DTNB: variants seen among roughly 807,000 people sequenced by gnomAD.
DTNB encodes DTN-B.
A neutral mutation model predicts 90.7 loss-of-function variants in DTNB; 63 were observed. The observed-to-expected ratio is 0.69, with a 90% CI of 0.57 to 0.86. The LOEUF is 0.86. Ranked by LOEUF, DTNB falls within the 40% of genes least tolerant of loss-of-function variation. DTNB has a pLI of 0.00. For synonymous variants in DTNB, 277 were observed against 286.7 expected, an observed-to-expected ratio of 0.97 and a Z score of 0.34; for missense variants, 744 against 807.1, an observed-to-expected ratio of 0.92 and a Z score of 0.95.
intron 14 of DTNB, among the ~76,000 whole-genome samples, chr2:25,432,206 TACACAC>T (rs60610400): frequency 0.11 from 16,140 of 146,352 alleles, 1,465 homozygotes; most frequent in East Asian, 0.52. Flanking sequence ...GAAGAGTGCG[TACACAC>T]ACACACACAC....
At chr2:25,377,680 C>A (rs1376481721) in intron 20 of DTNB, 127 bp from the exon 21 acceptor site, 1 of 152,476 alleles carries the variant, frequency 6.6e-6, no homozygotes, top group Non-Finnish European at 1.5e-5. Context: ...GCCTTTCAAG[C>A]GTTGGGCTGA....
At chr2:25,498,677 CT>C (rs1252180387) in intron 9 of DTNB, among the ~76,000 whole-genome samples, 3 of 151,424 alleles carry the variant, frequency 2.0e-5, no homozygotes, top group African/African-American at 7.3e-5. Context: ...GAAACCTCAT[CT>C]CTACAAAAGA....
At chr2:25,457,631 C>T (rs371037704) in intron 10 of DTNB, among the ~76,000 whole-genome samples, 148 of 152,264 alleles carry the variant, frequency 9.7e-4, no homozygotes, top group African/African-American at 3.4e-3. Context: ...AGCATTTACC[C>T]TGAGATAACT....
chr2:25,543,292 G>GT (rs1230730527), intron 8 of DTNB, among the ~76,000 whole-genome samples: 4 of 146,226 alleles, frequency 2.7e-5, no homozygotes, highest in Non-Finnish European at 4.5e-5. Context: ...ATAGAGACAG[G>GT]TTTTTTTTGT....
intron 5 of DTNB, 78 bp downstream of exon 5, chr2:25,607,158 C>A (rs2067284344): frequency 1.4e-6 from 2 of 1,458,542 alleles, no homozygotes; most frequent in South Asian, 1.3e-5. Flanking sequence ...AATATAACAT[C>A]ATTCAAAATT....
At chr2:25,451,688 G>A (rs2059312419) in intron 11 of DTNB, 53 bp from the exon 12 acceptor site, 3 of 1,437,586 alleles carry the variant, frequency 2.1e-6, no homozygotes, top group Admixed American at 2.4e-5. Flanking sequence ...CCTTATTCTT[G>A]TTCCATTCTC....
chr2:25,667,222 C>T (rs1489410834), intron 1 of DTNB, among the ~76,000 whole-genome samples: 4 of 152,018 alleles, frequency 2.6e-5, no homozygotes, highest in Non-Finnish European at 4.4e-5. Flanking sequence ...GGTGTGGTGG[C>T]TCACGTCTTT....
At chr2:25,526,984 T>C (rs1459812901) in intron 9 of DTNB, among the ~76,000 whole-genome samples, 1 of 151,994 alleles carries the variant, frequency 6.6e-6, no homozygotes, top group African/African-American at 2.4e-5. Flanking sequence ...TATAAATTAA[T>C]AACAAAAAGG....
At chr2:25,469,702 A>G (rs186867980) in intron 10 of DTNB, among the ~76,000 whole-genome samples, 1 of 152,232 alleles carries the variant, frequency 6.6e-6, no homozygotes, top group African/African-American at 2.4e-5. Context: ...CTGGCCTCCC[A>G]AAGTGCTGGC....
intron 7 of DTNB, among the ~76,000 whole-genome samples, chr2:25,578,932 C>T (rs1276911887): frequency 6.6e-6 from 1 of 151,806 alleles, no homozygotes; most frequent in Non-Finnish European, 1.5e-5. Context: ...TTAAGACATA[C>T]AGAAAAATAT....
intron 5 of DTNB, among the ~76,000 whole-genome samples, chr2:25,598,439 T>C (rs1050735405): frequency 3.3e-5 from 5 of 152,204 alleles, no homozygotes; most frequent in Non-Finnish European, 7.4e-5. Context: ...GATACTGTTA[T>C]TCCGGGTTTT....
chr2:25,550,129 C>T (rs887301139), intron 8 of DTNB, among the ~76,000 whole-genome samples: 5 of 152,104 alleles, frequency 3.3e-5, no homozygotes, highest in South Asian at 2.1e-4. Context: ...CGGTGGCTCA[C>T]GCCTGTAATC....
intron 10 of DTNB, among the ~76,000 whole-genome samples, chr2:25,471,400 T>G (rs2062785922): frequency 6.6e-6 from 1 of 151,898 alleles, no homozygotes; most frequent in East Asian, 1.9e-4. Flanking sequence ...TTTTTTTTTT[T>G]TTTCCCGAGA....
At chr2:25,460,348 G>A (rs1166153844) in intron 10 of DTNB, among the ~76,000 whole-genome samples, 1 of 152,104 alleles carries the variant, frequency 6.6e-6, no homozygotes, top group Non-Finnish European at 1.5e-5. Flanking sequence ...TCAGGAGGTG[G>A]ATATACGAGG....
At chr2:25,628,511 GA>G in intron 3 of DTNB, 127 bp from the exon 4 acceptor site, 1 of 880,900 alleles carries the variant, frequency 1.1e-6, no homozygotes, top group Non-Finnish European at 1.7e-6. Flanking sequence ...CAACAATGAG[GA>G]AAACATTCTG....
At chr2:25,396,897 G>T (rs957413652) in intron 16 of DTNB, among the ~76,000 whole-genome samples, 3 of 151,968 alleles carry the variant, frequency 2.0e-5, no homozygotes, top group African/African-American at 7.3e-5. Context: ...TCACTGTCAT[G>T]TATTTGCAGA....
intron 2 of DTNB, among the ~76,000 whole-genome samples, chr2:25,649,654 G>A (rs988755822): frequency 3.3e-5 from 5 of 152,140 alleles, no homozygotes; most frequent in African/African-American, 1.2e-4. Flanking sequence ...TGGAGGTTGA[G>A]TCTGCAGTGA....
intron 6 of DTNB, 25 bp downstream of exon 6, chr2:25,596,061 C>A: frequency 6.4e-7 from 1 of 1,568,062 alleles, no homozygotes; most frequent in South Asian, 1.2e-5. Flanking sequence ...TCTTCTAGCC[C>A]TAGATTCTAT....
At chr2:25,482,720 G>T (rs919088853) in intron 10 of DTNB, 76 bp downstream of exon 10, 62 of 1,451,476 alleles carry the variant, frequency 4.3e-5, no homozygotes, top group Non-Finnish European at 1.7e-5. Context: ...TGCTTTTCAG[G>T]CCTCATTTCT....
Sources: allele counts gnomAD v4.1 joint callset (sites outside exome capture counted in the v4.1 genomes callset), GRCh38; gene constraint gnomAD v4.1.1; transcripts MANE v1.5; gene names NCBI Gene and HGNC (gene_info 2026-07-23, HGNC 2026-07-21).